Variants in DMD observed in about 807,000 individuals in gnomAD.
The protein encoded by DMD is mutant dystrophin.
In DMD, 63 loss-of-function variants were observed where a neutral mutation model predicts 330.1. That is an observed-to-expected ratio of 0.19 (90% CI 0.16 to 0.24). The LOEUF is 0.24. DMD is among the 10% of genes least tolerant of loss of function. The pLI, the probability that DMD is intolerant of heterozygous loss-of-function variation, is 1.00. For missense variants in DMD, 3,344 were observed against 2,684.1 expected, an observed-to-expected ratio of 1.25 and a Z score of -5.43; for synonymous variants, 1,223 against 959.8, an observed-to-expected ratio of 1.27 and a Z score of -5.07.
chrX:33,198,693 A>T (rs1569558164), intron 1 of DMD, among the ~76,000 whole-genome samples: 2 of 111,453 alleles, frequency 1.8e-5, no homozygotes, highest in East Asian at 5.6e-4. Context: ...GAGCAAGAAC[A>T]GTTGAGGTGT....
intron 44 of DMD, among the ~76,000 whole-genome samples, chrX:32,170,993 ATCTATCTG>A (rs1250650493): frequency 1.8e-5 from 2 of 111,489 alleles, no homozygotes; most frequent in Non-Finnish European, 3.8e-5. Flanking sequence ...AATAACATCT[ATCTATCTG>A]TGTCCCTATA....
At chrX:31,501,059 C>T (rs1424563441) in intron 56 of DMD, among the ~76,000 whole-genome samples, 1 of 112,161 alleles carries the variant, frequency 8.9e-6, no homozygotes, top group Non-Finnish European at 1.9e-5. Flanking sequence ...GAGCCTCAGC[C>T]AATCCCAGCA....
intron 9 of DMD, among the ~76,000 whole-genome samples, chrX:32,648,728 TA>T (rs2059936060): frequency 1.8e-5 from 2 of 112,105 alleles, no homozygotes; most frequent in Admixed American, 1.9e-4. Flanking sequence ...CATTTTAAAA[TA>T]AAACGATGTT....
chrX:31,159,008 A>G (rs2038502424), intron 74 of DMD, among the ~76,000 whole-genome samples: 1 of 112,160 alleles, frequency 8.9e-6, no homozygotes, highest in South Asian at 3.7e-4. Flanking sequence ...GAAAGAAAAT[A>G]ATGTAAGAAA....
At chrX:32,582,664 A>C (rs1472106990) in intron 13 of DMD, among the ~76,000 whole-genome samples, 1 of 111,695 alleles carries the variant, frequency 9.0e-6, no homozygotes, top group Non-Finnish European at 1.9e-5. Context: ...AAAAGCAGTC[A>C]AGATAATCTT....
chrX:33,181,164 G>A (rs755224894), intron 1 of DMD, among the ~76,000 whole-genome samples: 71 of 111,106 alleles, frequency 6.4e-4, no homozygotes, highest in Non-Finnish European at 1.3e-4. Context: ...ATTATTGAAA[G>A]TTTCAGCACC....
At chrX:32,729,445 T>A (rs1223058023) in intron 7 of DMD, among the ~76,000 whole-genome samples, 1 of 112,000 alleles carries the variant, frequency 8.9e-6, no homozygotes, top group Non-Finnish European at 1.9e-5. Context: ...ATATTTTGGC[T>A]GATTTTTCTA....
At chrX:32,422,432 C>A (rs781494698) in intron 29 of DMD, among the ~76,000 whole-genome samples, 1 of 110,873 alleles carries the variant, frequency 9.0e-6, no homozygotes, top group South Asian at 3.8e-4. Context: ...CTATGAAGAC[C>A]GAAGTTAGAA....
intron 4 of DMD, among the ~76,000 whole-genome samples, chrX:32,825,360 C>T (rs771993865): frequency 9.0e-6 from 1 of 110,842 alleles, no homozygotes; most frequent in South Asian, 3.8e-4. Flanking sequence ...TCCTTGTCCT[C>T]ATAAAAGGTC....
intron 2 of DMD, among the ~76,000 whole-genome samples, chrX:32,896,710 C>T (rs2085756789): frequency 8.9e-6 from 1 of 112,464 alleles, no homozygotes; most frequent in Admixed American, 9.4e-5. Context: ...AAATTTGGAG[C>T]AACTAAACAT....
chrX:32,583,014 T>C (rs1428644140), intron 13 of DMD, among the ~76,000 whole-genome samples: 3 of 111,708 alleles, frequency 2.7e-5, no homozygotes, highest in Non-Finnish European at 5.6e-5. Context: ...ATCACCATCC[T>C]AACCCCCTAA....
chrX:32,783,300 A>G lies in DMD; in HGVS notation c.649+26193T>C, dbSNP rs1317208769. Among the ~76,000 whole-genome samples, 8 of 100,701 alleles carry G rather than the reference A, an allele frequency of 7.9e-5. No individual in the cohort carries two copies. The Admixed American group carries it at 8.6e-4, about 11-fold the overall frequency. 87.4% of individuals were successfully genotyped at this position (100,701 alleles called of 115,157 possible). Reference sequence around the variant, plus strand: ...ATATACACCATATATACACACATATATGTACACATATATGGTATATATATA... The same window carrying G: ...ATATACACCATATATACACACATATGTGTACACATATATGGTATATATATA... On this transcript the variant is annotated intron_variant, in intron 7 of 78. Coordinates refer to ENST00000357033, the MANE Select transcript of DMD (RefSeq NM_004006.3).
At chrX:33,233,647 G>A (rs1569558967) in intron 1 of DMD, among the ~76,000 whole-genome samples, 1 of 111,917 alleles carries the variant, frequency 8.9e-6, no homozygotes, top group Non-Finnish European at 1.9e-5. Context: ...TTAGGCATGG[G>A]ACAGGGTGAC....
chrX:33,339,148 AG>A, intron 1 of DMD: 1 of 843,551 alleles, frequency 1.2e-6, no homozygotes, highest in African/African-American at 2.1e-5. Context: ...CAGAGTTTGA[AG>A]AGCTCGGCAA....
chrX:31,626,204 C>T (rs898477208), intron 55 of DMD, among the ~76,000 whole-genome samples: 1 of 109,317 alleles, frequency 9.1e-6, no homozygotes, highest in African/African-American at 3.3e-5. Flanking sequence ...AGGCTGGTCT[C>T]GAACTCCTGA....
At chrX:31,214,941 T>TTTCTTTC (rs1556299323) in intron 64 of DMD, among the ~76,000 whole-genome samples, 1 of 69,234 alleles carries the variant, frequency 1.4e-5, no homozygotes, top group Non-Finnish European at 2.8e-5. Context: ...TTTTTTCTTT[T>TTTCTTTC]TTTTTTTTTT....
chrX:32,887,756 A>C (rs1355291140), intron 2 of DMD, among the ~76,000 whole-genome samples: 1 of 97,236 alleles, frequency 1.0e-5, no homozygotes, highest in Non-Finnish European at 2.0e-5. Flanking sequence ...AAAAAAAAAA[A>C]AAAAAAAAAA....
At chrX:32,033,587 AAGACAGACAGACAGAC>A (rs377682883) in intron 44 of DMD, among the ~76,000 whole-genome samples, 740 of 71,878 alleles carry the variant, frequency 0.01, 8 homozygotes, top group Middle Eastern at 0.019. Flanking sequence ...TTAAAAAAAC[AAGACAGACAGACAGAC>A]AGAAAGAAAG....
intron 16 of DMD, among the ~76,000 whole-genome samples, chrX:32,564,638 T>C (rs1257233526): frequency 3.6e-5 from 4 of 112,265 alleles, no homozygotes; most frequent in African/African-American, 1.3e-4. Flanking sequence ...TATTCATATT[T>C]CTTCAAATTA....
Sources: allele counts gnomAD v4.1 joint callset (sites outside exome capture counted in the v4.1 genomes callset), GRCh38; gene constraint gnomAD v4.1.1; transcripts MANE v1.5; gene names NCBI Gene and HGNC (gene_info 2026-07-23, HGNC 2026-07-21).